The following BTRC variants were observed in gnomAD, a reference collection of about 807,000 sequenced individuals.
BTRC encodes F-box/WD repeat-containing protein 1A.
In BTRC, 42 loss-of-function variants were observed where a neutral mutation model predicts 85.5. The ratio of observed to expected loss-of-function variants is 0.49; its 90% CI spans 0.38 to 0.64. BTRC has a LOEUF of 0.64. Ranked by LOEUF, BTRC falls within the 30% of genes least tolerant of loss-of-function variation. The probability of loss-of-function intolerance (pLI) is 0.00; values close to 1 mark genes in which losing one functional copy is unlikely to be tolerated. For synonymous variants in BTRC, 255 were observed against 263.3 expected (o/e 0.97, Z 0.30); for missense variants, 594 against 743.5 (o/e 0.80, Z 2.34).
intron 4 of BTRC, among the ~76,000 whole-genome samples, chr10:101,499,118 G>A (rs1331388946): frequency 6.6e-6 from 1 of 152,144 alleles, no homozygotes; most frequent in African/African-American, 2.4e-5. Context: ...GGAAGTAGGT[G>A]GTATTAGTTT....
intron 1 of BTRC, among the ~76,000 whole-genome samples, chr10:101,359,840 T>C (rs1942150831): frequency 6.6e-6 from 1 of 152,136 alleles, no homozygotes; most frequent in South Asian, 2.1e-4. Context: ...CCTCAGGTGA[T>C]CTGCCCGCCT....
chr10:101,515,214 C>G (rs1055399339), intron 4 of BTRC, among the ~76,000 whole-genome samples: 8 of 152,070 alleles, frequency 5.3e-5, no homozygotes, highest in African/African-American at 1.9e-4. Flanking sequence ...CCTCAGACTC[C>G]CAAAGTGCTG....
chr10:101,475,953 A>ATATATATATATATATATATATG (rs1265691229), intron 3 of BTRC, among the ~76,000 whole-genome samples: 1 of 133,806 alleles, frequency 7.5e-6, no homozygotes, highest in Admixed American at 7.4e-5. Context: ...ATATATATAT[A>ATATATATATATATATATATATG]TTCAGTAATT....
intron 3 of BTRC, among the ~76,000 whole-genome samples, chr10:101,474,636 C>T (rs4130785): frequency 0.37 from 56,238 of 152,058 alleles, 11,593 homozygotes; most frequent in Middle Eastern, 0.49. Context: ...GATTTCTGTT[C>T]TCTATTGCCA....
intron 4 of BTRC, among the ~76,000 whole-genome samples, chr10:101,491,629 G>A (rs1297107513): frequency 6.6e-6 from 1 of 151,806 alleles, no homozygotes; most frequent in Non-Finnish European, 1.5e-5. Context: ...CCCAGGAGGC[G>A]GAGGTTGCAG....
intron 13 of BTRC, among the ~76,000 whole-genome samples, chr10:101,549,019 C>T (rs897940168): frequency 1.8e-4 from 28 of 151,536 alleles, no homozygotes; most frequent in Admixed American, 7.2e-4. Flanking sequence ...CGCCACTGCA[C>T]TCCACCCTGG....
At chr10:101,532,804 G>GCGCGCA in intron 8 of BTRC, 148 bp from the exon 9 acceptor site, 1 of 657,416 alleles carries the variant, frequency 1.5e-6, no homozygotes, top group South Asian at 1.8e-5. Context: ...GTGTGCGCGC[G>GCGCGCA]CGCGCGCTTA....
intron 1 of BTRC, among the ~76,000 whole-genome samples, chr10:101,364,341 C>T (rs763490253): frequency 1.3e-5 from 2 of 151,896 alleles, no homozygotes; most frequent in Non-Finnish European, 2.9e-5. Context: ...ACAGTGATGC[C>T]CTGAAAAGTT....
intron 4 of BTRC, among the ~76,000 whole-genome samples, chr10:101,496,143 T>A (rs1425904576): frequency 6.6e-6 from 1 of 152,188 alleles, no homozygotes; most frequent in Non-Finnish European, 1.5e-5. Context: ...TCCATTTTAC[T>A]ATAAGTGAAC....
chr10:101,441,046 G>A (rs144776787), intron 2 of BTRC, among the ~76,000 whole-genome samples: 43 of 152,280 alleles, frequency 2.8e-4, no homozygotes, highest in African/African-American at 1.0e-3. Flanking sequence ...TTGCATTTAA[G>A]CTATGAGAAC....
At chr10:101,426,809 C>G (rs1197675890) in intron 1 of BTRC, among the ~76,000 whole-genome samples, 3 of 152,068 alleles carry the variant, frequency 2.0e-5, no homozygotes, top group Non-Finnish European at 4.4e-5. Context: ...GTTTCTAGAC[C>G]CAGCTGTGCT....
At chr10:101,410,038 A>G (rs952379710) in intron 1 of BTRC, among the ~76,000 whole-genome samples, 3 of 152,194 alleles carry the variant, frequency 2.0e-5, no homozygotes, top group Admixed American at 6.5e-5. Flanking sequence ...CCAGCAATGT[A>G]TGAAGGTTCC....
chr10:101,537,702 C>T (rs1195930103), intron 12 of BTRC, among the ~76,000 whole-genome samples: 1 of 152,136 alleles, frequency 6.6e-6, no homozygotes, highest in Non-Finnish European at 1.5e-5. Flanking sequence ...GAAGTGTAGA[C>T]TGCTCACTTC....
At chr10:101,472,322 C>CTCTTCTCTTCTCTTCTCTTCTCTTCTCT (rs1298337336) in intron 3 of BTRC, among the ~76,000 whole-genome samples, 1 of 145,260 alleles carries the variant, frequency 6.9e-6, no homozygotes, top group South Asian at 2.1e-4. Flanking sequence ...CTCTTCTCTT[C>CTCTTCTCTTCTCTTCTCTTCTCTTCTCT]TCTCTCTTCT....
At chr10:101,356,744 C>T (rs1366551081) in intron 1 of BTRC, among the ~76,000 whole-genome samples, 4 of 152,150 alleles carry the variant, frequency 2.6e-5, no homozygotes, top group African/African-American at 9.7e-5. Flanking sequence ...TCTTTCAGTG[C>T]AGTAACAGTC....
Position 101,534,711 on chromosome 10 carries a change from G to A in BTRC, c.1148G>A (p.Cys383Tyr). The change falls in exon 10 of 15, where the codon TGT (cysteine) becomes TAT (tyrosine). Residue 383 changes from cysteine to tyrosine, a missense_variant. Physicochemically the swap from Cys to Tyr is radical, Grantham distance 194. Coordinates refer to ENST00000370187, the MANE Select transcript of BTRC (RefSeq NM_033637.4). ...GEMLNTLIHH[C>Y]EAVLHLRFNN... ...ATGCTAAACACGTTGATTCACCATT[G>A]TGAAGCAGTTCTGCACTTGCGTTTC... The A allele has an allele frequency of 6.2e-7, 1 of 1,614,182 alleles. No individual in the cohort carries two copies. Among genetic ancestry groups the A allele is most frequent in the Non-Finnish European group, 8.5e-7 (1 of 1,180,026 alleles).
chr10:101,382,058 C>G (rs1942947658), intron 1 of BTRC, among the ~76,000 whole-genome samples: 4 of 139,274 alleles, frequency 2.9e-5, no homozygotes, highest in Admixed American at 7.7e-5. Context: ...TCTCAGCTCA[C>G]TGCAACCTTC....
At position 101,366,788 on chromosome 10, in the gene BTRC, A is replaced by ATATT. The variant is rs1482374733; in HGVS notation, c.48+12561_48+12562insATTT. Reference sequence around the variant, plus strand: ...TAGTTATATATATATATATATATATATTTTTACATTTATATATATATTTAT... The same window carrying ATATT: ...TAGTTATATATATATATATATATATATATTTTTTTACATTTATATATATATTTAT... On this transcript the variant is annotated intron_variant, in intron 1 of 14. Transcript: ENST00000370187. Among the ~76,000 whole-genome samples the ATATT allele has an allele frequency of 1.5e-4, 10 of 68,854 alleles. 1 individual carries two copies. The highest frequency in any genetic ancestry group is 7.7e-4 in the Admixed American group (3 of 3,882). The allele number at this position is 68,854 out of a possible 152,430, so 45.2% of individuals were successfully genotyped here.
intron 13 of BTRC, among the ~76,000 whole-genome samples, chr10:101,546,372 C>G (rs1420624446): frequency 6.6e-6 from 1 of 151,988 alleles, no homozygotes; most frequent in Non-Finnish European, 1.5e-5. Context: ...ACACGTAGGT[C>G]AAGAAGAAAT....
Sources: allele counts gnomAD v4.1 joint callset (sites outside exome capture counted in the v4.1 genomes callset), GRCh38; gene constraint gnomAD v4.1.1; transcripts MANE v1.5; gene names NCBI Gene and HGNC (gene_info 2026-07-23, HGNC 2026-07-21).